PDE10A: variants seen among roughly 807,000 people sequenced by gnomAD.
PDE10A encodes cAMP and cAMP-inhibited cGMP 3',5'-cyclic phosphodiesterase 10A.
A neutral mutation model predicts 97.7 loss-of-function variants in PDE10A; 39 were observed. That is an observed-to-expected ratio of 0.40 (90% CI 0.31 to 0.52). The LOEUF (loss-of-function observed/expected upper bound fraction) is 0.52. Ranked by LOEUF, PDE10A falls within the 20% of genes least tolerant of loss-of-function variation. The pLI, the probability that PDE10A is intolerant of heterozygous loss-of-function variation, is 0.56. For missense variants in PDE10A, 731 were observed against 1,047.8 expected (o/e 0.70, Z 4.17); for synonymous variants, 371 against 376.8 (o/e 0.98, Z 0.18).
chr6:165,580,140 A>G (rs1474139732), intron 1 of PDE10A, among the ~76,000 whole-genome samples: 1 of 152,246 alleles, frequency 6.6e-6, no homozygotes, highest in African/African-American at 2.4e-5. Context: ...ACAAGCACTT[A>G]GAACAGTGCC....
chr6:165,333,408 A>G (rs1463684599), intron 21 of PDE10A, among the ~76,000 whole-genome samples: 2 of 152,206 alleles, frequency 1.3e-5, no homozygotes, highest in African/African-American at 4.8e-5. Context: ...TTTCTTAGAA[A>G]GAAGGATTAA....
chr6:165,569,621 C>A (rs1422431585), intron 1 of PDE10A, among the ~76,000 whole-genome samples: 20 of 152,144 alleles, frequency 1.3e-4, no homozygotes. Context: ...TGTTTCATGT[C>A]TCTTTATAGG....
intron 1 of PDE10A, among the ~76,000 whole-genome samples, chr6:165,790,164 A>G (rs1778608773): frequency 6.6e-6 from 1 of 152,246 alleles, no homozygotes; most frequent in South Asian, 2.1e-4. Flanking sequence ...CTAGTAAAAT[A>G]CTTTGTGGCT....
intron 1 of PDE10A, among the ~76,000 whole-genome samples, chr6:165,761,331 C>A (rs1004738987): frequency 9.2e-5 from 14 of 152,190 alleles, no homozygotes; most frequent in Non-Finnish European, 2.1e-4. Flanking sequence ...TAAAGAAATT[C>A]AGGCACACAA....
chr6:165,403,534 TATA>T (rs1786846739), intron 13 of PDE10A, among the ~76,000 whole-genome samples: 1 of 152,228 alleles, frequency 6.6e-6, no homozygotes, highest in South Asian at 2.1e-4. Context: ...ACACTTGAGA[TATA>T]ATAATTGTTC....
At chr6:165,551,804 G>A (rs1784030043) in intron 1 of PDE10A, among the ~76,000 whole-genome samples, 1 of 152,298 alleles carries the variant, frequency 6.6e-6, no homozygotes, top group East Asian at 1.9e-4. Flanking sequence ...CTAATCTCAG[G>A]CTTTGATAAA....
intron 1 of PDE10A, among the ~76,000 whole-genome samples, chr6:165,883,955 G>A (rs959365097): frequency 3.3e-5 from 5 of 152,162 alleles, no homozygotes; most frequent in Non-Finnish European, 5.9e-5. Context: ...TCCTCGAGGG[G>A]AAGCCAGGTA....
chr6:165,513,537 T>A (rs1583442605), intron 2 of PDE10A, among the ~76,000 whole-genome samples: 1 of 152,156 alleles, frequency 6.6e-6, no homozygotes, highest in South Asian at 2.1e-4. Context: ...TGCATTTCCA[T>A]ATGCATTTTA....
At chr6:165,778,471 T>C (rs1778255919) in intron 1 of PDE10A, among the ~76,000 whole-genome samples, 1 of 152,238 alleles carries the variant, frequency 6.6e-6, no homozygotes, top group Non-Finnish European at 1.5e-5. Context: ...TCCATTTTTC[T>C]CTATAATGAC....
At chr6:165,958,498 C>CAAGAAAGAAAGAAAGAAAGA (rs1379022208) in intron 1 of PDE10A, among the ~76,000 whole-genome samples, 10 of 57,782 alleles carry the variant, frequency 1.7e-4, no homozygotes, top group Non-Finnish European at 1.4e-4. Context: ...GAGAGAAAGA[C>CAAGAAAGAAAGAAAGAAAGA]AAGAAAGAAA....
At chr6:165,378,635 T>C (rs948477962) in intron 18 of PDE10A, among the ~76,000 whole-genome samples, 4 of 152,212 alleles carry the variant, frequency 2.6e-5, no homozygotes, top group African/African-American at 9.6e-5. Flanking sequence ...GATATCTAAT[T>C]TATCTAATCC....
At chr6:165,826,878 TGAGA>T (rs1291384137) in intron 1 of PDE10A, among the ~76,000 whole-genome samples, 1 of 142,208 alleles carries the variant, frequency 7.0e-6, no homozygotes, top group African/African-American at 2.7e-5. Context: ...AGGGGCACAG[TGAGA>T]GAGAGGACAA....
chr6:165,798,794 A>G (rs1035823536), intron 1 of PDE10A, among the ~76,000 whole-genome samples: 1 of 152,128 alleles, frequency 6.6e-6, no homozygotes, highest in Non-Finnish European at 1.5e-5. Flanking sequence ...GCTCACTGCA[A>G]CATCCCAGGT....
At chr6:165,579,851 A>G (rs1240222631) in intron 1 of PDE10A, among the ~76,000 whole-genome samples, 1 of 152,032 alleles carries the variant, frequency 6.6e-6, no homozygotes, top group Non-Finnish European at 1.5e-5. Flanking sequence ...TGCCTGGAAT[A>G]CTGTTCTTTC....
chr6:165,917,475 A>G (rs1782639046), intron 1 of PDE10A, among the ~76,000 whole-genome samples: 1 of 152,202 alleles, frequency 6.6e-6, no homozygotes, highest in Admixed American at 6.5e-5. Flanking sequence ...TGTGCACTCC[A>G]GGCACCCCGA....
chr6:165,866,013 G>T (rs1029398938), intron 1 of PDE10A, among the ~76,000 whole-genome samples: 5 of 152,058 alleles, frequency 3.3e-5, no homozygotes, highest in South Asian at 2.1e-4. Flanking sequence ...AAAAGAGGAA[G>T]AAATGAACAA....
In PDE10A at chr6:165,793,612, G is replaced by A. The variant is rs943426837; in HGVS notation, c.-615+193917C>T. Among the ~76,000 whole-genome samples, 13 of 152,286 alleles carry A rather than the reference G, an allele frequency of 8.5e-5. 1 individual carries two copies. The highest frequency in any genetic ancestry group is 6.2e-4 in the South Asian group (3 of 4,816). ...TGACAAGACTCACAGCAGAGCAAGC[G>A]ATTGGGGCTCACACTGGCCTCTGCT... On this transcript the variant is annotated intron_variant, in intron 1 of 19. Coordinates refer to the PDE10A transcript ENST00000366882.
intron 1 of PDE10A, among the ~76,000 whole-genome samples, chr6:165,929,548 C>T (rs943170283): frequency 6.6e-5 from 10 of 152,176 alleles, no homozygotes; most frequent in Admixed American, 2.0e-4. Flanking sequence ...GGCTGGATGC[C>T]GCGACACCCT....
At chr6:165,523,939 G>A (rs1195822946) in intron 2 of PDE10A, among the ~76,000 whole-genome samples, 2 of 152,126 alleles carry the variant, frequency 1.3e-5, no homozygotes, top group African/African-American at 4.8e-5. Flanking sequence ...TGGGGAAGAC[G>A]GGCCCACTCT....
Sources: gnomAD v4.1 joint callset for allele counts (sites outside exome capture counted in the v4.1 genomes callset) on GRCh38, gnomAD v4.1.1 for gene constraint, MANE v1.5 for transcripts, NCBI Gene and HGNC (gene_info 2026-07-23, HGNC 2026-07-21) for gene names.